FOSL1: variants seen among roughly 807,000 people sequenced by gnomAD.
FOSL1 encodes the protein fos-related antigen 1.
Under a neutral mutation model 24.9 loss-of-function variants are expected in FOSL1, and 14 were observed. That is an observed-to-expected ratio of 0.56 (90% CI 0.37 to 0.88). The LOEUF is 0.88. Ranked by LOEUF, FOSL1 falls within the 40% of genes least tolerant of loss-of-function variation. The pLI is 0.00. For missense variants in FOSL1, 318 were observed against 359.8 expected (o/e 0.88, Z 0.94); for synonymous variants, 133 against 145.1 (o/e 0.92, Z 0.60).
chr11:65,893,196 C>T lies in FOSL1; in HGVS notation c.506G>A (p.Arg169Gln), dbSNP rs761174414. 2.5e-6 allele frequency: 4 copies of T among 1,614,034 alleles called. No homozygotes were observed. The highest frequency in any genetic ancestry group is 1.7e-4 in the Middle Eastern group (1 of 6,004). The change falls in exon 4 of 4, where the codon CGA (arginine) becomes CAA (glutamine). Residue 169 changes from arginine (R) to glutamine (Q), a missense_variant. Arg to Gln is a conservative substitution (Grantham distance 43). Coordinates refer to ENST00000312562, the MANE Select transcript of FOSL1 (RefSeq NM_005438.5). Reference protein sequence around the residue: ...ERLELVLEAHRPICKIPEGAK... With the variant: ...ERLELVLEAHQPICKIPEGAK... ...TCCTTCCGGGATTTTGCAGATGGGTCGGTGGGCTTCCAGCACCAGCTCTAG... is the reference window on the plus strand; with the variant it reads ...TCCTTCCGGGATTTTGCAGATGGGTTGGTGGGCTTCCAGCACCAGCTCTAG...
chr11:65,896,500 G>T (rs577994281), intron 2 of FOSL1, among the ~76,000 whole-genome samples: 3 of 152,012 alleles, frequency 2.0e-5, no homozygotes, highest in Admixed American at 2.0e-4. Context: ...TCTTGCCTCC[G>T]CCTCCATCCT....
intron 2 of FOSL1, among the ~76,000 whole-genome samples, chr11:65,896,227 G>C (rs1409016680): frequency 6.6e-6 from 1 of 152,128 alleles, no homozygotes; most frequent in African/African-American, 2.4e-5. Context: ...GGCCAGTCCT[G>C]TGTCATTACT....
chr11:65,900,345 GGGCTGGC>G lies in FOSL1; in HGVS notation c.-13_-7del, dbSNP rs1860645251. On this transcript the variant is annotated 5_prime_UTR_variant, in exon 1 of 4. Coordinates refer to ENST00000312562, the MANE Select transcript of FOSL1 (RefSeq NM_005438.5). ...TCCCCGAAGTCTCGGAACATGCCCG[GGGCTGGC>G]GGCTCTGCGGGGTACACGGCTGCTG... 2 of 1,233,704 alleles carry G rather than the reference GGGCTGGC, an allele frequency of 1.6e-6. No individual in the cohort carries two copies. Among genetic ancestry groups the G allele is most frequent in the Non-Finnish European group, 2.0e-6 (2 of 986,764 alleles). The allele number at this position is 1,233,704 out of a possible 1,614,324, so 76.4% of individuals were successfully genotyped here.
upstream of FOSL1, chr11:65,900,396 C>A: frequency 1.0e-6 from 1 of 966,898 alleles, no homozygotes; most frequent in South Asian, 5.3e-5. Context: ...CTCACCCGCG[C>A]CGTGCGGAGT....
Position 65,893,106 on chromosome 11 carries a change from A to C in FOSL1, c.596T>G (p.Val199Gly). The C allele has an allele frequency of 6.2e-7, 1 of 1,612,826 alleles. No individual in the cohort carries two copies. Among genetic ancestry groups the C allele is most frequent in the Non-Finnish European group, 8.5e-7 (1 of 1,179,836 alleles). Residue 199 changes from valine (V) to glycine (G), a missense_variant, in exon 4 of 4, where the codon GTA becomes GGA. Coordinates refer to ENST00000312562, the MANE Select transcript of FOSL1 (RefSeq NM_005438.5). The stretch of plus-strand genomic sequence containing the variant: ...CCCTGGGGAAAGGGAGATACAAGGT[A>C]CAGGGCGGCAGGGGGCTGGTGGGCT... ...TSSPPAPCRP[V>G]PCISLSPGPV...
In FOSL1 at chr11:65,896,972, C is replaced by T. The variant is rs1423930305; in HGVS notation, c.134G>A (p.Ser45Asn). Residue 45 changes from serine to asparagine, a missense_variant, in exon 2 of 4, where the codon AGT (serine) becomes AAT (asparagine). Ser to Asn is a conservative substitution (Grantham distance 46). Coordinates refer to ENST00000312562, the MANE Select transcript of FOSL1 (RefSeq NM_005438.5). Reference protein sequence around the residue: ...FHLVPSINTMSGSQELQWMVQ... With the variant: ...FHLVPSINTMNGSQELQWMVQ... ...CATCCACTGCAGCTCCTGACTGCCACTCATGGTGTTGATGCTTGGCACCAG... is the reference window on the plus strand; with the variant it reads ...CATCCACTGCAGCTCCTGACTGCCATTCATGGTGTTGATGCTTGGCACCAG... 6.2e-7 allele frequency: 1 copy of T among 1,614,116 alleles called. No individual in the cohort carries two copies. Among genetic ancestry groups the T allele is most frequent in the Non-Finnish European group, 8.5e-7 (1 of 1,179,966 alleles).
At chr11:65,898,670 T>A (rs1860591624) in intron 1 of FOSL1, among the ~76,000 whole-genome samples, 1 of 152,158 alleles carries the variant, frequency 6.6e-6, no homozygotes, top group Non-Finnish European at 1.5e-5. Context: ...ATTGGCAATT[T>A]AAAAAATTTT....
Position 65,894,103 on chromosome 11 carries a change from C to G in FOSL1, c.316G>C (p.Glu106Gln), listed in dbSNP as rs751184760. 7 of 1,607,000 alleles carry G rather than the reference C, an allele frequency of 4.4e-6. No individual in the cohort carries two copies. In the Admixed American group the frequency reaches 1.2e-4, roughly 27 times the overall value. The part of the protein sequence containing the change: ...PCEQISPEEE[E>Q]RRRVRRERNK... ...CGCTCGCGCCTTACTCGGCGGCGCT[C>G]CTCTTCCTCCGGGCTGATCTGGGGG... is the stretch of plus-strand genomic sequence containing the variant. Residue 106 changes from glutamate to glutamine, a missense_variant, in exon 3 of 4, where the codon GAG (glutamate) becomes CAG (glutamine). Transcript: ENST00000312562.
At chr11:65,897,501 G>A (rs570307156) in intron 1 of FOSL1, among the ~76,000 whole-genome samples, 12 of 151,830 alleles carry the variant, frequency 7.9e-5, no homozygotes, top group African/African-American at 2.4e-4. Flanking sequence ...CACCATGCCC[G>A]GCTAATTTTT....
intron 1 of FOSL1, 22 bp from the exon 2 acceptor site, chr11:65,897,028 G>C (rs1012125788): frequency 6.3e-7 from 1 of 1,593,330 alleles, no homozygotes; most frequent in Non-Finnish European, 8.6e-7. Context: ...GAAATGGAAG[G>C]CCACAGATGA....
In FOSL1 at chr11:65,893,160, C is replaced by T. The variant is rs1860434884; in HGVS notation, c.542G>A (p.Gly181Glu). The change falls in exon 4 of 4, where the codon GGG becomes GAG. Residue 181 changes from glycine (G) to glutamate (E), a missense_variant. Gly to Glu is a moderately conservative substitution (Grantham distance 98). Transcript: ENST00000312562. ...GGTGCCACTGGTACTGCCTGTGTCC[C>T]CCTCCTTGGCTCCTTCCGGGATTTT... Reference protein sequence around the residue: ...ICKIPEGAKEGDTGSTSGTSS... With the variant: ...ICKIPEGAKEEDTGSTSGTSS... 4 of 1,613,474 alleles carry T rather than the reference C, an allele frequency of 2.5e-6. No individual in the cohort carries two copies. The East Asian group carries it at 6.7e-5, about 27-fold the overall frequency.
rs1322464528 is a variant in FOSL1, at chr11:65,897,013, A to G, written c.100-7T>C. On this transcript the variant is annotated splice_region_variant and splice_polypyrimidine_tract_variant and intron_variant, in intron 1 of 3. Coordinates refer to ENST00000312562, the MANE Select transcript of FOSL1 (RefSeq NM_005438.5). ...TTGGCACCAGGTGGAACTTCTAAGGAATAAGAAATGGAAGGCCACAGATGA... is the reference window on the plus strand; with the variant it reads ...TTGGCACCAGGTGGAACTTCTAAGGGATAAGAAATGGAAGGCCACAGATGA... 3 of 1,612,492 alleles carry G rather than the reference A, an allele frequency of 1.9e-6. No individual in the cohort carries two copies. In the African/African-American group the frequency reaches 4.0e-5, roughly 21 times the overall value.
At chr11:65,900,472 G>T, upstream of FOSL1, 1 of 457,120 alleles carries the variant, frequency 2.2e-6, no homozygotes, top group Non-Finnish European at 3.6e-6. Flanking sequence ...TGGGGGCGTT[G>T]CAGCGGCGCG....
In FOSL1 at chr11:65,893,923, G is replaced by A. The variant is rs1230799369; in HGVS notation, c.405+91C>T. On this transcript the variant is annotated intron_variant, in intron 3 of 3. Coordinates refer to ENST00000312562, the MANE Select transcript of FOSL1 (RefSeq NM_005438.5). The stretch of plus-strand genomic sequence containing the variant: ...GACTGCCCCTCAGACAAGGAGCTAG[G>A]ATGGTGAGGAGGGGGCTACATATAC... 24 of 831,430 alleles carry A rather than the reference G, an allele frequency of 2.9e-5. No homozygotes were observed. In the East Asian group the frequency reaches 6.4e-4, roughly 22 times the overall value. The allele number at this position is 831,430 out of a possible 1,614,324, so 51.5% of individuals were successfully genotyped here.
chr11:65,892,191 T>C lies in FOSL1; in HGVS notation c.*695A>G, dbSNP rs1225439102. ...CCTAGGGCTCCAAATACTCTCCCAT[T>C]GGCCTCTGGGTCCAGTGAGGCACTC... On this transcript the variant is annotated 3_prime_UTR_variant, in exon 4 of 4. Coordinates refer to ENST00000312562, the MANE Select transcript of FOSL1 (RefSeq NM_005438.5). The C allele has an allele frequency of 2.1e-5, 4 of 191,658 alleles. No homozygotes were observed. Among genetic ancestry groups the C allele is most frequent in the Non-Finnish European group, 3.3e-5 (3 of 90,876 alleles). The allele number at this position is 191,658 out of a possible 1,614,324, so 11.9% of individuals were successfully genotyped here. A position where few individuals can be genotyped will look rare whatever the true frequency, so the allele number is the denominator to read the frequency against.
chr11:65,898,795 C>A (rs1023863686), intron 1 of FOSL1, among the ~76,000 whole-genome samples: 2 of 151,772 alleles, frequency 1.3e-5, no homozygotes, highest in African/African-American at 4.8e-5. Context: ...TTCATTTCTA[C>A]AAAAAAATTA....
At chr11:65,893,357 G>A (rs1005869127) in intron 3 of FOSL1, 61 bp from the exon 4 acceptor site, 8 of 1,091,788 alleles carry the variant, frequency 7.3e-6, no homozygotes, top group Non-Finnish European at 8.8e-6. Context: ...AGCCGCAGAC[G>A]TTTGGACTCA....
rs371316315 is a variant in FOSL1, at chr11:65,893,172, C to T, written c.530G>A (p.Gly177Glu). The change falls in exon 4 of 4, where the codon GGA becomes GAA. Residue 177 changes from glycine to glutamate, a missense_variant. By Grantham distance (98) the Gly-to-Glu change is moderately conservative. Transcript: ENST00000312562. Reference sequence around the variant, plus strand: ...ACTGCCTGTGTCCCCCTCCTTGGCTCCTTCCGGGATTTTGCAGATGGGTCG... The same window carrying T: ...ACTGCCTGTGTCCCCCTCCTTGGCTTCTTCCGGGATTTTGCAGATGGGTCG... ...AHRPICKIPE[G>E]AKEGDTGSTS... The T allele has an allele frequency of 6.2e-7, 1 of 1,613,748 alleles. No individual in the cohort carries two copies. The highest frequency in any genetic ancestry group is 8.5e-7 in the Non-Finnish European group (1 of 1,180,000).
At position 65,896,679 on chromosome 11, in the gene FOSL1, C is replaced by G. The variant is rs180875695; in HGVS notation, c.297+130G>C. ...CCGTGGGGCTCCTATCACTTTCAGC[C>G]TTGGGCAGTAGTCACCTGTAGCCTA... On this transcript the variant is annotated intron_variant, in intron 2 of 3. Coordinates refer to ENST00000312562, the MANE Select transcript of FOSL1 (RefSeq NM_005438.5). The G allele has an allele frequency of 1.8e-4, 121 of 689,118 alleles. No individual in the cohort carries two copies. In the African/African-American group the frequency reaches 2.0e-3, roughly 11 times the overall value. The allele number at this position is 689,118 out of a possible 1,614,324, so 42.7% of individuals were successfully genotyped here. A position where few individuals can be genotyped will look rare whatever the true frequency, so the allele number is the denominator to read the frequency against.
Sources: gnomAD v4.1 joint callset for allele counts (sites outside exome capture counted in the v4.1 genomes callset) on GRCh38, gnomAD v4.1.1 for gene constraint, MANE v1.5 for transcripts, NCBI Gene and HGNC (gene_info 2026-07-23, HGNC 2026-07-21) for gene names.